OR2AT4: variants seen among roughly 807,000 people sequenced by gnomAD.
The protein encoded by OR2AT4 is olfactory receptor family 2 subfamily AT member 4, also known as olfactory receptor 2AT4.
Under a neutral mutation model 10.3 loss-of-function variants are expected in OR2AT4, and 6 were observed. The ratio of observed to expected loss-of-function variants is 0.58; its 90% confidence interval spans 0.32 to 1.15. The LOEUF (loss-of-function observed/expected upper bound fraction) is 1.15. Ranked by LOEUF, OR2AT4 falls within the 50% of genes most tolerant of loss-of-function variation. The pLI is 0.05. For synonymous variants in OR2AT4, 145 were observed against 159.1 expected (o/e 0.91, Z 0.67); for missense variants, 354 against 393.8 (o/e 0.90, Z 0.85).
In OR2AT4 at chr11:75,089,422, T is replaced by G. The variant is rs752261716; in HGVS notation, c.292A>C (p.Ser98Arg). ...ATCTGCAGTAAGCAGGAAGAAAAGC[T>G]GAGGAAGCGGTCCCCAAGCAAGAAT... Residue 98 changes from serine to arginine, a missense_variant, in exon 2 of 2, where the codon AGC becomes CGC. Coordinates refer to ENST00000641504, the Ensembl canonical transcript of OR2AT4. 22 of 1,614,058 alleles carry G rather than the reference T, an allele frequency of 1.4e-5. No homozygotes were observed. The South Asian group carries it at 2.3e-4, about 17-fold the overall frequency.
exon 2 of OR2AT4, chr11:75,084,136 G>A (rs928038902): frequency 6.6e-6 from 1 of 152,078 alleles, no homozygotes; most frequent in African/African-American, 2.4e-5. Context: ...ACTTATAAGT[G>A]GGAGCTAAAC....
chr11:75,084,120 G>C (rs1949279207), exon 2 of OR2AT4: 1 of 152,192 alleles, frequency 6.6e-6, no homozygotes, highest in Non-Finnish European at 1.5e-5. Flanking sequence ...TGTACTGCAT[G>C]TTCTCACTTA....
chr11:75,083,509 GAGCTATCATTTGACCC>G (rs1453489993), exon 2 of OR2AT4: 1 of 152,148 alleles, frequency 6.6e-6, no homozygotes, highest in African/African-American at 2.4e-5. Flanking sequence ...ACATAAAATA[GAGCTATCATTTGACCC>G]AGCAATCTCA....
At chr11:75,086,630 C>A (rs1406216113) in exon 2 of OR2AT4, 1 of 152,116 alleles carries the variant, frequency 6.6e-6, no homozygotes, top group Non-Finnish European at 1.5e-5. Context: ...TAAATTACAA[C>A]CACAATAAGA....
intron 1 of OR2AT4, among the ~76,000 whole-genome samples, chr11:75,093,804 CTTTTTCTTTTTTTTTTTTTTTTT>C (rs1949332396): frequency 1.1e-5 from 1 of 88,350 alleles, no homozygotes; most frequent in African/African-American, 4.2e-5. Context: ...TTTTCTTTTT[CTTTTTCTTTTTTTTTTTTTTTTT>C]TTTTTTTTTT....
exon 2 of OR2AT4, chr11:75,088,581 T>C (rs574549319): frequency 3.0e-6 from 2 of 656,110 alleles, no homozygotes; most frequent in East Asian, 6.8e-5. Flanking sequence ...ATGAAGATTT[T>C]TTTTTTATTT....
chr11:75,089,936 T>C (rs907746694), exon 2 of OR2AT4: 3 of 511,094 alleles, frequency 5.9e-6, no homozygotes, highest in African/African-American at 3.8e-5. Context: ...ATATTGATTA[T>C]TAATTAATTA....
At chr11:75,089,119 G>A (rs761068531) in exon 2 of OR2AT4, 2 of 1,614,014 alleles carry the variant, frequency 1.2e-6, no homozygotes, top group Non-Finnish European at 1.7e-6. Flanking sequence ...AGGGTCTGGG[G>A]GGTGGTGTCA....
chr11:75,096,304 T>C (rs1431612299), intron 1 of OR2AT4: 1 of 152,216 alleles, frequency 6.6e-6, no homozygotes, highest in East Asian at 1.9e-4. Context: ...GGCGCTCTCA[T>C]TTGTTAAGCT....
intron 1 of OR2AT4, among the ~76,000 whole-genome samples, chr11:75,094,329 C>T (rs1444933460): frequency 6.6e-6 from 1 of 152,158 alleles, no homozygotes; most frequent in Non-Finnish European, 1.5e-5. Flanking sequence ...CTCTTTCCTT[C>T]TCCATATATT....
At chr11:75,085,963 C>T (rs1336974211) in exon 2 of OR2AT4, 1 of 152,014 alleles carries the variant, frequency 6.6e-6, no homozygotes, top group East Asian at 1.9e-4. Flanking sequence ...GTATTCAAGA[C>T]CGTGTGGTAT....
exon 2 of OR2AT4, chr11:75,082,347 T>C (rs1410930825): frequency 6.6e-6 from 1 of 152,068 alleles, no homozygotes. Context: ...ATATATCTAA[T>C]GTAAATGATG....
At chr11:75,089,055 A>G in exon 2 of OR2AT4, 1 of 1,614,100 alleles carries the variant, frequency 6.2e-7, no homozygotes, top group Non-Finnish European at 8.5e-7. Flanking sequence ...ATAGGAGAGA[A>G]GCACCAGGAG....
chr11:75,086,886 C>A (rs992415295), exon 2 of OR2AT4: 1 of 152,226 alleles, frequency 6.6e-6, no homozygotes, highest in Non-Finnish European at 1.5e-5. Context: ...GTCTCCCTGG[C>A]AGCCCCTGAG....
chr11:75,084,883 A>C (rs545057003), exon 2 of OR2AT4: 8 of 152,162 alleles, frequency 5.3e-5, no homozygotes, highest in Non-Finnish European at 1.0e-4. Context: ...TGAAGTTGCT[A>C]ATGCAGGAGC....
exon 2 of OR2AT4, chr11:75,086,009 A>C (rs951201456): frequency 1.3e-5 from 2 of 152,168 alleles, no homozygotes; most frequent in African/African-American, 4.8e-5. Context: ...GTGGAACAGA[A>C]TAGAGAGCCC....
chr11:75,083,773 A>C (rs948108950), exon 2 of OR2AT4: 3 of 152,204 alleles, frequency 2.0e-5, no homozygotes, highest in African/African-American at 7.2e-5. Flanking sequence ...GGAGTTCGAG[A>C]CCAGCCTGAC....
At chr11:75,085,811 CT>C (rs1949287788) in exon 2 of OR2AT4, 1 of 152,006 alleles carries the variant, frequency 6.6e-6, no homozygotes, top group African/African-American at 2.4e-5. Flanking sequence ...AACATAGTCC[CT>C]CCCCTCCCCA....
rs911716886 is a variant in OR2AT4 at position 75,088,944 on chromosome 11, T to G, written c.770A>C (p.Tyr257Ser). Residue 257 changes from tyrosine to serine, a missense_variant, in exon 2 of 2, where the codon TAC becomes TCC. Tyr to Ser is a moderately radical substitution (Grantham distance 144). Transcript: ENST00000641504. ...CACGTAGGCTATGGCAATAGATGAGTAGTAGGTGCCCACGACCAGAAGGTG... is the reference window on the plus strand; with the variant it reads ...CACGTAGGCTATGGCAATAGATGAGGAGTAGGTGCCCACGACCAGAAGGTG... 7 of 1,613,714 alleles carry G rather than the reference T, an allele frequency of 4.3e-6. No homozygotes were observed. Among genetic ancestry groups the G allele is most frequent in the Non-Finnish European group, 5.9e-6 (7 of 1,179,950 alleles).
Sources: gnomAD v4.1 joint callset for allele counts (sites outside exome capture counted in the v4.1 genomes callset) on GRCh38, gnomAD v4.1.1 for gene constraint, MANE v1.5 for transcripts, NCBI Gene and HGNC (gene_info 2026-07-23, HGNC 2026-07-21) for gene names.